The following MBD5 variants were observed in gnomAD, a reference collection of about 807,000 sequenced individuals.
MBD5 encodes the protein methyl-CpG binding domain protein 5, also known as methyl-CpG-binding domain protein 5.
Under a neutral mutation model 117.3 loss-of-function variants are expected in MBD5, and 13 were observed. The observed-to-expected ratio is 0.11, with a 90% CI of 0.07 to 0.18. The LOEUF (loss-of-function observed/expected upper bound fraction) is 0.18. MBD5 is among the 10% of genes least tolerant of loss of function. MBD5 has a pLI of 1.00. For missense variants in MBD5, 1,879 were observed against 2,093.8 expected (o/e 0.90, Z 2.00); for synonymous variants, 727 against 766.4 (o/e 0.95, Z 0.85).
chr2:148,045,506 A>G (rs1339268423), intron 1 of MBD5, among the ~76,000 whole-genome samples: 1 of 152,218 alleles, frequency 6.6e-6, no homozygotes, highest in Non-Finnish European at 1.5e-5. Flanking sequence ...AGACATAGAT[A>G]TAGATGCTTG....
chr2:148,213,143 C>T (rs548426382), intron 2 of MBD5, among the ~76,000 whole-genome samples: 2 of 152,248 alleles, frequency 1.3e-5, no homozygotes, highest in Non-Finnish European at 2.9e-5. Flanking sequence ...GAGTTGTACT[C>T]ATCTCTTAGC....
At chr2:148,252,368 G>A (rs142185519) in intron 3 of MBD5, among the ~76,000 whole-genome samples, 15 of 152,154 alleles carry the variant, frequency 9.9e-5, no homozygotes, top group South Asian at 8.3e-4. Context: ...ACTGAAATGC[G>A]AGGATCACCT....
At chr2:148,248,702 A>G (rs1700399080) in intron 3 of MBD5, among the ~76,000 whole-genome samples, 1 of 152,150 alleles carries the variant, frequency 6.6e-6, no homozygotes, top group African/African-American at 2.4e-5. Context: ...CTGAGGAAGA[A>G]GAATAAAGTA....
rs1559009568 is a variant in MBD5, at chr2:148,294,511, T to TTTTGTTTTTTTTTTTTTGTTTTGTTTTG, written c.-679-47700_-679-47699insGTTTTTTTTTTTTTGTTTTGTTTTGTTT. ...AGTGCTGGGATTACAGTTTTTTTTTTTTTTTTTTTTGAGATAGAGCTGGCT... is the reference window on the plus strand; with the variant it reads ...AGTGCTGGGATTACAGTTTTTTTTTTTTTGTTTTTTTTTTTTTGTTTTGTTTTGTTTTTTTTTTGAGATAGAGCTGGCT... On this transcript the variant is annotated intron_variant, in intron 3 of 13. Coordinates refer to ENST00000642680, the MANE Select transcript of MBD5 (RefSeq NM_001378120.1). Among the ~76,000 whole-genome samples the TTTTGTTTTTTTTTTTTTGTTTTGTTTTG allele has an allele frequency of 1.5e-4, 22 of 142,110 alleles. 1 individual carries two copies. Among genetic ancestry groups the TTTTGTTTTTTTTTTTTTGTTTTGTTTTG allele is most frequent in the African/African-American group, 4.4e-4 (16 of 36,738 alleles). The allele number at this position is 142,110 out of a possible 152,430, so 93.2% of individuals were successfully genotyped here.
chr2:148,459,335 A>C (rs1267871251), intron 5 of MBD5, among the ~76,000 whole-genome samples: 1 of 152,186 alleles, frequency 6.6e-6, no homozygotes, highest in Non-Finnish European at 1.5e-5. Flanking sequence ...CATAGTCTTT[A>C]ATCTATTTCC....
intron 3 of MBD5, among the ~76,000 whole-genome samples, chr2:148,240,439 G>A (rs919232595): frequency 6.6e-6 from 1 of 151,898 alleles, no homozygotes; most frequent in Admixed American, 6.6e-5. Context: ...AAAAAGAAAT[G>A]GGGTCTTGCC....
At chr2:148,478,666 A>G (rs548450830) in intron 8 of MBD5, among the ~76,000 whole-genome samples, 1 of 152,310 alleles carries the variant, frequency 6.6e-6, no homozygotes, top group African/African-American at 2.4e-5. Context: ...ATCTCGCACC[A>G]AAGTTTGTTT....
rs561963958 is a variant in MBD5 at position 148,050,765 on chromosome 2, G to A, written c.-925+29081G>A. 6.6e-5 allele frequency among the ~76,000 whole-genome samples: 10 copies of A among 152,194 alleles called. 1 individual carries two copies. The highest frequency in any genetic ancestry group is 6.2e-4 in the South Asian group (3 of 4,820). ...TCAGTAATATCCTGTTGGTCTGTAC[G>A]TCTCTCCTTATATCAATACTACACT... On this transcript the variant is annotated intron_variant, in intron 1 of 13. Coordinates refer to ENST00000642680, the MANE Select transcript of MBD5 (RefSeq NM_001378120.1).
intron 1 of MBD5, among the ~76,000 whole-genome samples, chr2:148,096,522 T>A (rs1696072934): frequency 6.6e-6 from 1 of 152,168 alleles, no homozygotes; most frequent in Admixed American, 6.5e-5. Context: ...GCCATACAAC[T>A]ACTGAGTGAA....
intron 1 of MBD5, among the ~76,000 whole-genome samples, chr2:148,122,978 C>A (rs970933629): frequency 1.3e-5 from 2 of 152,140 alleles, no homozygotes; most frequent in African/African-American, 4.8e-5. Flanking sequence ...GCAGAGATGA[C>A]TAAGGATAGA....
intron 3 of MBD5, among the ~76,000 whole-genome samples, chr2:148,267,232 A>G (rs1254766434): frequency 6.6e-6 from 1 of 152,274 alleles, no homozygotes; most frequent in South Asian, 2.1e-4. Flanking sequence ...TAAAACAGAC[A>G]AATAGATCTG....
At chr2:148,264,316 A>AGAAGAAGAG (rs144387269) in intron 3 of MBD5, 9,408 of 150,350 alleles carry the variant, frequency 0.063, 424 homozygotes, top group African/African-American at 0.12. Flanking sequence ...AAGAAGAAGA[A>AGAAGAAGAG]GAAGAGGAAG....
chr2:148,288,801 A>G (rs770349697), intron 3 of MBD5, among the ~76,000 whole-genome samples: 5 of 152,252 alleles, frequency 3.3e-5, no homozygotes, highest in Non-Finnish European at 7.3e-5. Context: ...ATTAAATGTT[A>G]TAAACACTAA....
intron 3 of MBD5, among the ~76,000 whole-genome samples, chr2:148,339,484 C>A (rs1277979291): frequency 6.6e-6 from 1 of 152,044 alleles, no homozygotes; most frequent in Non-Finnish European, 1.5e-5. Context: ...TATAAATAAG[C>A]AAGAAAATGG....
chr2:148,156,748 A>G (rs1425985130), intron 1 of MBD5, among the ~76,000 whole-genome samples: 3 of 152,200 alleles, frequency 2.0e-5, no homozygotes, highest in African/African-American at 7.2e-5. Flanking sequence ...GGCTTGGTTA[A>G]TTTTGACCAA....
At chr2:148,117,155 GT>G (rs554372896) in intron 1 of MBD5, among the ~76,000 whole-genome samples, 7 of 151,910 alleles carry the variant, frequency 4.6e-5, no homozygotes, top group Admixed American at 1.3e-4. Context: ...TTTTCTCAGT[GT>G]TTTTTTAAAA....
chr2:148,261,638 T>G (rs1456305253), intron 3 of MBD5, among the ~76,000 whole-genome samples: 1 of 152,208 alleles, frequency 6.6e-6, no homozygotes, highest in Non-Finnish European at 1.5e-5. Flanking sequence ...AAAACGCTAT[T>G]TCACAGCAAA....
chr2:148,139,236 C>T (rs1038464532), intron 1 of MBD5, among the ~76,000 whole-genome samples: 10 of 151,962 alleles, frequency 6.6e-5, no homozygotes, highest in African/African-American at 1.7e-4. Flanking sequence ...AACAGAGTTT[C>T]GCTCTTACTG....
chr2:148,370,777 C>G (rs987316605), intron 4 of MBD5, among the ~76,000 whole-genome samples: 3 of 152,168 alleles, frequency 2.0e-5, no homozygotes, highest in Non-Finnish European at 4.4e-5. Flanking sequence ...GCATGAGTCT[C>G]CATGCTGGCT....
Sources: allele counts gnomAD v4.1 joint callset (sites outside exome capture counted in the v4.1 genomes callset), GRCh38; gene constraint gnomAD v4.1.1; transcripts MANE v1.5; gene names NCBI Gene and HGNC (gene_info 2026-07-23, HGNC 2026-07-21).